ZFAT: variants seen among roughly 807,000 people sequenced by gnomAD.
ZFAT encodes zinc finger protein ZFAT.
In ZFAT, 64 loss-of-function variants were observed where a neutral mutation model predicts 117.7. That is an observed-to-expected ratio of 0.54 (90% confidence interval 0.44 to 0.67). The LOEUF is 0.67. Ranked by LOEUF, ZFAT falls within the 30% of genes least tolerant of loss-of-function variation. The pLI is 0.00. For missense variants in ZFAT, 1,433 were observed against 1,584.5 expected, an observed-to-expected ratio of 0.90 and a Z score of 1.62; for synonymous variants, 679 against 615.0, an observed-to-expected ratio of 1.10 and a Z score of -1.54.
At chr8:134,558,351 A>C (rs1234100582) in intron 11 of ZFAT, among the ~76,000 whole-genome samples, 2 of 152,190 alleles carry the variant, frequency 1.3e-5, no homozygotes, top group Admixed American at 6.5e-5. Context: ...CTGTTCCCTC[A>C]AAGCAACTCC....
chr8:134,673,462 T>A lies in ZFAT; in HGVS notation c.20-15725A>T, dbSNP rs1020355267. On this transcript the variant is annotated intron_variant, in intron 1 of 15. Coordinates refer to ENST00000377838, the MANE Select transcript of ZFAT (RefSeq NM_020863.4). ...GTTTCTGCATATTTAACAGATAGGA[T>A]CCTTCTGAGAATGCTAGAATTGGGG... 5 of 214,408 alleles carry A rather than the reference T, an allele frequency of 2.3e-5. No individual in the cohort carries two copies. The South Asian group carries it at 4.7e-4, about 20-fold the overall frequency. 13.3% of individuals were successfully genotyped at this position (214,408 alleles called of 1,614,324 possible). A position where few individuals can be genotyped will look rare whatever the true frequency, so the allele number is the denominator to read the frequency against.
At chr8:134,483,428 T>C (rs933912447) in intron 15 of ZFAT, among the ~76,000 whole-genome samples, 2 of 152,222 alleles carry the variant, frequency 1.3e-5, no homozygotes, top group Non-Finnish European at 2.9e-5. Flanking sequence ...ATGTTATGGG[T>C]TGATATGATT....
At chr8:134,725,263 G>A in the ZFAT span, among the ~76,000 whole-genome samples, 1 of 152,228 alleles carries the variant, frequency 6.6e-6, no homozygotes, top group African/African-American at 2.4e-5. Flanking sequence ...CTGGCAAAGA[G>A]TGGTGTATTA....
upstream of ZFAT, among the ~76,000 whole-genome samples, chr8:134,713,296 A>T (rs748022736): frequency 5.3e-5 from 8 of 151,908 alleles, no homozygotes; most frequent in Non-Finnish European, 1.0e-4. Flanking sequence ...TGCTAGCGCG[A>T]CCCTAGACCC....
chr8:134,756,708 C>T, the ZFAT span, among the ~76,000 whole-genome samples: 1 of 152,202 alleles, frequency 6.6e-6, no homozygotes, highest in African/African-American at 2.4e-5. Context: ...AGCTCACGGC[C>T]AGTGACTGAC....
intron 1 of ZFAT, among the ~76,000 whole-genome samples, chr8:134,668,934 C>T (rs1481906195): frequency 6.6e-6 from 1 of 152,196 alleles, no homozygotes; most frequent in East Asian, 1.9e-4. Context: ...AAAACCATGG[C>T]AGGAGAACTA....
intron 1 of ZFAT, among the ~76,000 whole-genome samples, chr8:134,682,519 G>A (rs1326663180): frequency 6.6e-6 from 1 of 152,226 alleles, no homozygotes; most frequent in East Asian, 1.9e-4. Flanking sequence ...GCCGGGTGTG[G>A]TGGCGCCTGC....
chr8:134,756,166 G>A, the ZFAT span, among the ~76,000 whole-genome samples: 1 of 152,172 alleles, frequency 6.6e-6, no homozygotes, highest in African/African-American at 2.4e-5. Context: ...CTAAGACTCT[G>A]GCATAAGCCT....
At chr8:134,695,838 C>G (rs1371138435) in intron 1 of ZFAT, among the ~76,000 whole-genome samples, 2 of 143,592 alleles carry the variant, frequency 1.4e-5, no homozygotes, top group African/African-American at 5.2e-5. Context: ...ATCAAGGAGG[C>G]GCCACCCCCA....
At chr8:134,818,351 G>C in the ZFAT span, among the ~76,000 whole-genome samples, 1 of 152,126 alleles carries the variant, frequency 6.6e-6, no homozygotes, top group African/African-American at 2.4e-5. Flanking sequence ...GAAAGGGATG[G>C]CAAATAAACA....
At chr8:134,586,884 T>C (rs904302501) in intron 9 of ZFAT, among the ~76,000 whole-genome samples, 1 of 152,196 alleles carries the variant, frequency 6.6e-6, no homozygotes, top group Admixed American at 6.5e-5. Flanking sequence ...GGCAAATTAC[T>C]TCACCTCTCT....
intron 15 of ZFAT, among the ~76,000 whole-genome samples, chr8:134,501,883 T>C (rs547691994): frequency 1.3e-5 from 2 of 152,312 alleles, no homozygotes; most frequent in East Asian, 3.9e-4. Flanking sequence ...CACTCAATCC[T>C]TTTTGTGGCT....
At chr8:134,746,751 G>A in the ZFAT span, among the ~76,000 whole-genome samples, 1 of 152,182 alleles carries the variant, frequency 6.6e-6, no homozygotes, top group African/African-American at 2.4e-5. Context: ...TCAATCAAGT[G>A]TTACAATGGA....
At chr8:134,739,758 G>A in the ZFAT span, among the ~76,000 whole-genome samples, 1 of 152,222 alleles carries the variant, frequency 6.6e-6, no homozygotes, top group African/African-American at 2.4e-5. Flanking sequence ...AGGGTCTGAT[G>A]GGACTACAGA....
intron 3 of ZFAT, among the ~76,000 whole-genome samples, chr8:134,613,364 G>A (rs374223597): frequency 5.3e-5 from 8 of 152,218 alleles, no homozygotes; most frequent in African/African-American, 9.6e-5. Context: ...GATAAACCGC[G>A]TCCGGACTCT....
In ZFAT at chr8:134,492,451, A is replaced by T. The variant is rs557664915; in HGVS notation, c.3493-13730T>A. 4.7e-3 allele frequency among the ~76,000 whole-genome samples: 716 copies of T among 152,316 alleles called. 4 individuals are homozygous for T. The highest frequency in any genetic ancestry group is 0.017 in the Middle Eastern group (5 of 294). On this transcript the variant is annotated intron_variant, in intron 15 of 15. Coordinates refer to ENST00000377838, the MANE Select transcript of ZFAT (RefSeq NM_020863.4). ...GGACTGCAGACAAAAGTCCAAATAC[A>T]ACCTAACAACAAGAATGAAAAAAGA...
At chr8:134,638,285 G>C (rs918723112) in intron 2 of ZFAT, among the ~76,000 whole-genome samples, 2 of 152,180 alleles carry the variant, frequency 1.3e-5, no homozygotes, top group South Asian at 2.1e-4. Flanking sequence ...TAGCGACCTA[G>C]TGATTTTCAA....
intron 12 of ZFAT, among the ~76,000 whole-genome samples, chr8:134,524,316 T>C (rs763291120): frequency 8.5e-5 from 13 of 152,292 alleles, no homozygotes; most frequent in Non-Finnish European, 1.8e-4. Flanking sequence ...GTGCTGTTAG[T>C]GATGCTCTGG....
At chr8:134,812,262 G>C in the ZFAT span, among the ~76,000 whole-genome samples, 21 of 152,206 alleles carry the variant, frequency 1.4e-4, no homozygotes, top group Non-Finnish European at 2.9e-5. Flanking sequence ...CACATAGCTA[G>C]TATGCAATAA....
Sources: allele counts gnomAD v4.1 joint callset (sites outside exome capture counted in the v4.1 genomes callset), GRCh38; gene constraint gnomAD v4.1.1; transcripts MANE v1.5; gene names NCBI Gene and HGNC (gene_info 2026-07-23, HGNC 2026-07-21).